Variants in FAM13C observed in about 807,000 individuals in gnomAD.
FAM13C encodes the protein protein FAM13C.
A neutral mutation model predicts 73.2 loss-of-function variants in FAM13C; 37 were observed. The ratio of observed to expected loss-of-function variants is 0.51; its 90% confidence interval spans 0.39 to 0.67. FAM13C has a LOEUF of 0.67. Among genes scored for constraint, FAM13C ranks in the 30% least tolerant of loss-of-function variants. The pLI is 0.00. For missense variants in FAM13C, 589 were observed against 715.6 expected, an observed-to-expected ratio of 0.82 and a Z score of 2.02; for synonymous variants, 246 against 260.9, an observed-to-expected ratio of 0.94 and a Z score of 0.55.
At chr10:59,308,023 G>C (rs1184057814) in intron 4 of FAM13C, among the ~76,000 whole-genome samples, 5 of 152,044 alleles carry the variant, frequency 3.3e-5, no homozygotes, top group Admixed American at 3.3e-4. Context: ...ATCTTTCCTG[G>C]AAGCTGGCCT....
intron 10 of FAM13C, among the ~76,000 whole-genome samples, chr10:59,260,045 T>C (rs1842344947): frequency 6.6e-6 from 1 of 152,088 alleles, no homozygotes; most frequent in South Asian, 2.1e-4. Context: ...TCTGTATCAG[T>C]AAATGGACCC....
At chr10:59,291,703 G>T (rs1846239153) in intron 5 of FAM13C, among the ~76,000 whole-genome samples, 1 of 151,394 alleles carries the variant, frequency 6.6e-6, no homozygotes, top group Admixed American at 6.6e-5. Context: ...ACCTCATTAT[G>T]ATATCCTTGT....
At chr10:59,298,370 A>T (rs181595698) in intron 5 of FAM13C, among the ~76,000 whole-genome samples, 4 of 152,226 alleles carry the variant, frequency 2.6e-5, no homozygotes, top group Non-Finnish European at 5.9e-5. Flanking sequence ...CTCAACTGAC[A>T]TTGTTTTATC....
intron 4 of FAM13C, among the ~76,000 whole-genome samples, chr10:59,308,199 C>T (rs1848471618): frequency 6.6e-6 from 1 of 152,190 alleles, no homozygotes; most frequent in Non-Finnish European, 1.5e-5. Context: ...CCAGTGTAAG[C>T]TTGTCCTCTA....
At chr10:59,334,081 T>C (rs532449820) in intron 3 of FAM13C, among the ~76,000 whole-genome samples, 10 of 152,304 alleles carry the variant, frequency 6.6e-5, no homozygotes, top group African/African-American at 2.4e-4. Context: ...TTTTTTCTTT[T>C]GAGAGAGACA....
At chr10:59,264,506 A>G (rs547760530) in intron 8 of FAM13C, among the ~76,000 whole-genome samples, 1 of 152,140 alleles carries the variant, frequency 6.6e-6, no homozygotes, top group Non-Finnish European at 1.5e-5. Context: ...CTTGCAGGTC[A>G]CCCACAGCCC....
intron 13 of FAM13C, 167 bp downstream of exon 13, chr10:59,251,408 T>C: frequency 1.5e-6 from 1 of 665,036 alleles, no homozygotes; most frequent in Non-Finnish European, 2.7e-6. Context: ...ACATCCCTAA[T>C]ACTGGCACTA....
chr10:59,254,338 C>A lies in FAM13C; in HGVS notation c.1332+10G>T, dbSNP rs1394111022. 10 of 1,523,720 alleles carry A rather than the reference C, an allele frequency of 6.6e-6. No homozygotes were observed. The highest frequency in any genetic ancestry group is 5.6e-5 in the African/African-American group (4 of 71,484). 94.4% of individuals were successfully genotyped at this position (1,523,720 alleles called of 1,614,324 possible). On this transcript the variant is annotated intron_variant, in intron 11 of 13. Transcript: ENST00000618804. ...GTACAAAGTAACAGCATGCAAGTATCCTGACTTACAATTGTTGGAATAAGG... is the reference window on the plus strand; with the variant it reads ...GTACAAAGTAACAGCATGCAAGTATACTGACTTACAATTGTTGGAATAAGG...
intron 12 of FAM13C, among the ~76,000 whole-genome samples, chr10:59,251,920 T>C (rs111396053): frequency 6.6e-5 from 10 of 151,732 alleles, no homozygotes; most frequent in African/African-American, 2.2e-4. Flanking sequence ...GGCAAGGAGA[T>C]TGATTGAATC....
chr10:59,327,045 G>A (rs1035375763), intron 3 of FAM13C, among the ~76,000 whole-genome samples: 4 of 151,914 alleles, frequency 2.6e-5, no homozygotes, highest in African/African-American at 9.7e-5. Flanking sequence ...TTTAAGAAAC[G>A]TTCAAAAATG....
intron 4 of FAM13C, chr10:59,323,463 T>A (rs1222224893): frequency 6.1e-6 from 1 of 165,160 alleles, no homozygotes; most frequent in African/African-American, 2.4e-5. Flanking sequence ...GCACCTGCCA[T>A]GCTGCAATCA....
At chr10:59,306,325 C>A (rs1186792823) in intron 4 of FAM13C, among the ~76,000 whole-genome samples, 1 of 152,180 alleles carries the variant, frequency 6.6e-6, no homozygotes, top group African/African-American at 2.4e-5. Context: ...GGAAACTACT[C>A]TTAACCATTA....
chr10:59,344,620 C>T (rs1398655819), intron 3 of FAM13C, among the ~76,000 whole-genome samples: 2 of 152,132 alleles, frequency 1.3e-5, no homozygotes, highest in African/African-American at 2.4e-5. Context: ...TGAATGTTTA[C>T]GTTTATATCA....
chr10:59,274,945 T>C (rs2133604230), intron 6 of FAM13C, among the ~76,000 whole-genome samples: 1 of 152,286 alleles, frequency 6.6e-6, no homozygotes, highest in African/African-American at 2.4e-5. Flanking sequence ...CCTCTAGGGA[T>C]ACAGAGAAAG....
At position 59,341,375 on chromosome 10, in the gene FAM13C, C is replaced by T. The variant is rs373620769; in HGVS notation, c.324+10895G>A. ...ATGTTAAAGAACAAAAGAGGCAGTG[C>T]TGAACATCTTTGTTCCTGAAAGAAA... is the stretch of plus-strand genomic sequence containing the variant. On this transcript the variant is annotated intron_variant, in intron 3 of 13. Coordinates refer to ENST00000618804, the MANE Select transcript of FAM13C (RefSeq NM_198215.4). Among the ~76,000 whole-genome samples the T allele has an allele frequency of 5.9e-5, 9 of 152,266 alleles. No individual in the cohort carries two copies. In the East Asian group the frequency reaches 1.2e-3, roughly 20 times the overall value.
chr10:59,315,298 G>A (rs930007133), intron 4 of FAM13C, among the ~76,000 whole-genome samples: 2 of 152,042 alleles, frequency 1.3e-5, no homozygotes, highest in African/African-American at 4.8e-5. Context: ...ATATGTTTCT[G>A]TAAATAATTA....
chr10:59,359,606 A>G (rs1451216888), intron 1 of FAM13C, among the ~76,000 whole-genome samples: 1 of 152,240 alleles, frequency 6.6e-6, no homozygotes, highest in Non-Finnish European at 1.5e-5. Context: ...CAGCCCCACT[A>G]CATCAACTCT....
At chr10:59,318,836 C>G (rs1354450495) in intron 4 of FAM13C, among the ~76,000 whole-genome samples, 1 of 151,968 alleles carries the variant, frequency 6.6e-6, no homozygotes, top group East Asian at 1.9e-4. Context: ...CCCTGCTCCC[C>G]TTTTAAAAGA....
chr10:59,302,873 T>C lies in FAM13C; in HGVS notation c.444-9A>G. ...CAGTCCTCTGGTCTATTCTATAAAATACAAAGAAAAATTATTTCCATTTAA... is the reference window on the plus strand; with the variant it reads ...CAGTCCTCTGGTCTATTCTATAAAACACAAAGAAAAATTATTTCCATTTAA... On this transcript the variant is annotated splice_polypyrimidine_tract_variant and intron_variant, in intron 4 of 13. Coordinates refer to ENST00000618804, the MANE Select transcript of FAM13C (RefSeq NM_198215.4). 1.2e-6 allele frequency: 2 copies of C among 1,610,926 alleles called. No homozygotes were observed. Among genetic ancestry groups the C allele is most frequent in the Non-Finnish European group, 8.5e-7 (1 of 1,178,996 alleles).
Sources: allele counts gnomAD v4.1 joint callset (sites outside exome capture counted in the v4.1 genomes callset), GRCh38; gene constraint gnomAD v4.1.1; transcripts MANE v1.5; gene names NCBI Gene and HGNC (gene_info 2026-07-23, HGNC 2026-07-21).